Variants in TANC1 observed in about 807,000 individuals in gnomAD.
TANC1 encodes protein TANC1.
Under a neutral mutation model 149.7 loss-of-function variants are expected in TANC1, and 77 were observed. That is an observed-to-expected ratio of 0.51 (90% CI 0.43 to 0.62). TANC1 has a LOEUF of 0.62. Among genes scored for constraint, TANC1 ranks in the 20% least tolerant of loss-of-function variants. The probability of loss-of-function intolerance (pLI) is 0.00; values close to 1 mark genes in which losing one functional copy is unlikely to be tolerated. For synonymous variants in TANC1, 854 were observed against 925.0 expected (o/e 0.92, Z 1.39); for missense variants, 1,985 against 2,321.8 (o/e 0.85, Z 2.98).
At chr2:159,045,364 G>A (rs1288662793) in intron 2 of TANC1, among the ~76,000 whole-genome samples, 2 of 152,120 alleles carry the variant, frequency 1.3e-5, no homozygotes, top group Non-Finnish European at 1.5e-5. Flanking sequence ...CTCGGGAGGC[G>A]GAGGTTGCAG....
chr2:158,990,163 C>T (rs1573991320), intron 1 of TANC1, among the ~76,000 whole-genome samples: 1 of 151,974 alleles, frequency 6.6e-6, no homozygotes, highest in Admixed American at 6.6e-5. Flanking sequence ...GATCTGCCCG[C>T]CTGACCTCGT....
At chr2:159,213,967 A>G (rs2059171876) in intron 19 of TANC1, among the ~76,000 whole-genome samples, 1 of 151,936 alleles carries the variant, frequency 6.6e-6, no homozygotes, top group East Asian at 1.9e-4. Context: ...CTCTACTAAA[A>G]ATATAAAAAT....
intron 2 of TANC1, among the ~76,000 whole-genome samples, chr2:159,021,439 A>AATAGGGAAG (rs1301301978): frequency 1.3e-5 from 2 of 152,136 alleles, no homozygotes; most frequent in African/African-American, 4.8e-5. Flanking sequence ...ACTTATTAAA[A>AATAGGGAAG]ATAGGGAAGT....
At chr2:159,111,297 A>G (rs537378810) in intron 4 of TANC1, among the ~76,000 whole-genome samples, 9 of 152,338 alleles carry the variant, frequency 5.9e-5, no homozygotes, top group Middle Eastern at 3.4e-3. Flanking sequence ...TCTCCAAGCA[A>G]TGAGAACAAA....
intron 20 of TANC1, 71 bp from the exon 21 acceptor site, chr2:159,219,167 A>G (rs1453917350): frequency 6.3e-7 from 1 of 1,588,450 alleles, no homozygotes; most frequent in Non-Finnish European, 8.6e-7. Flanking sequence ...AAGGTTGAGA[A>G]ACCTGCCTGG....
intron 19 of TANC1, among the ~76,000 whole-genome samples, chr2:159,212,387 C>A (rs1168050536): frequency 6.6e-6 from 1 of 152,160 alleles, no homozygotes; most frequent in Non-Finnish European, 1.5e-5. Context: ...CCCAGATCTT[C>A]TAGCGTAAGA....
At chr2:158,973,165 A>AT (rs1230087321) in intron 1 of TANC1, among the ~76,000 whole-genome samples, 3 of 152,138 alleles carry the variant, frequency 2.0e-5, no homozygotes, top group African/African-American at 7.2e-5. Context: ...TTTAGCACAG[A>AT]TTTTTTCGCT....
At chr2:159,038,699 G>C (rs570838503) in intron 2 of TANC1, among the ~76,000 whole-genome samples, 4 of 152,140 alleles carry the variant, frequency 2.6e-5, no homozygotes, top group African/African-American at 9.7e-5. Flanking sequence ...CAGGGATGAA[G>C]CCCACTTGAT....
intron 2 of TANC1, among the ~76,000 whole-genome samples, chr2:159,005,957 T>C (rs1374104930): frequency 6.6e-6 from 1 of 152,082 alleles, no homozygotes; most frequent in African/African-American, 2.4e-5. Flanking sequence ...AAAATGTAAT[T>C]CAAGATACAA....
chr2:159,040,028 G>T (rs535417347), intron 2 of TANC1, among the ~76,000 whole-genome samples: 67 of 152,202 alleles, frequency 4.4e-4, no homozygotes, highest in Admixed American at 4.1e-3. Context: ...TATGAATCTG[G>T]GTGCTCCTGC....
chr2:158,984,206 C>A (rs1278522783), intron 1 of TANC1, among the ~76,000 whole-genome samples: 1 of 152,162 alleles, frequency 6.6e-6, no homozygotes, highest in Admixed American at 6.5e-5. Flanking sequence ...AAATGTTTTG[C>A]TTCAACAAAA....
At chr2:159,075,295 C>T (rs1574485880) in intron 3 of TANC1, among the ~76,000 whole-genome samples, 1 of 151,770 alleles carries the variant, frequency 6.6e-6, no homozygotes, top group Admixed American at 6.6e-5. Context: ...ACGCTGGGCC[C>T]AGTGGTTCAT....
intron 22 of TANC1, among the ~76,000 whole-genome samples, chr2:159,223,767 A>T (rs1290415546): frequency 1.3e-5 from 2 of 152,188 alleles, no homozygotes; most frequent in African/African-American, 2.4e-5. Flanking sequence ...ACTCGGGTCC[A>T]TCCGGTCCCA....
At chr2:158,976,019 A>G (rs1199499945) in intron 1 of TANC1, among the ~76,000 whole-genome samples, 1 of 151,292 alleles carries the variant, frequency 6.6e-6, no homozygotes, top group Non-Finnish European at 1.5e-5. Flanking sequence ...TTTTTTGTAG[A>G]GATGGGGTTT....
At chr2:159,091,967 G>C (rs1559242225) in intron 3 of TANC1, among the ~76,000 whole-genome samples, 1 of 146,754 alleles carries the variant, frequency 6.8e-6, no homozygotes, top group East Asian at 1.9e-4. Flanking sequence ...AATATAGGGG[G>C]GGGTGTGTGT....
At chr2:159,075,737 G>A (rs1054863463) in intron 3 of TANC1, among the ~76,000 whole-genome samples, 13 of 151,324 alleles carry the variant, frequency 8.6e-5, no homozygotes, top group African/African-American at 2.9e-4. Flanking sequence ...GTTTTATTTG[G>A]GCCCATTTTG....
chr2:159,015,990 G>A (rs1361791014), intron 2 of TANC1, among the ~76,000 whole-genome samples: 1 of 152,130 alleles, frequency 6.6e-6, no homozygotes, highest in Non-Finnish European at 1.5e-5. Flanking sequence ...ATGTTACCCA[G>A]TTCCAAAGCC....
chr2:159,172,596 A>G (rs1047431695), intron 11 of TANC1, among the ~76,000 whole-genome samples: 2 of 152,196 alleles, frequency 1.3e-5, no homozygotes, highest in Non-Finnish European at 2.9e-5. Context: ...TGAGCAGGAA[A>G]TTGGGAGCTT....
In TANC1 at chr2:159,055,871, C is replaced by CTTAT. The variant is rs148622577; in HGVS notation, c.-15-10002_-15-9999dup. ...CAGAGAAGGGAATTGCACAGCATAG[C>CTTAT]TTATTTATTTATTTATTTATTTATT... On this transcript the variant is annotated intron_variant, in intron 2 of 26. Transcript: ENST00000263635. 1.7e-3 allele frequency: 289 copies of CTTAT among 167,240 alleles called. 2 individuals are homozygous for CTTAT. Among genetic ancestry groups the CTTAT allele is most frequent in the South Asian group, 5.2e-3 (34 of 6,544 alleles). 10.4% of individuals were successfully genotyped at this position (167,240 alleles called of 1,614,324 possible).
Sources: gnomAD v4.1 joint callset for allele counts (sites outside exome capture counted in the v4.1 genomes callset) on GRCh38, gnomAD v4.1.1 for gene constraint, MANE v1.5 for transcripts, NCBI Gene and HGNC (gene_info 2026-07-23, HGNC 2026-07-21) for gene names.